The following EYA1 variants were observed in gnomAD, a reference collection of about 807,000 sequenced individuals.
EYA1 encodes protein phosphatase EYA1.
In EYA1, 16 loss-of-function variants were observed where a neutral mutation model predicts 82.0. The ratio of observed to expected loss-of-function variants is 0.20; its 90% CI spans 0.13 to 0.30. The LOEUF (loss-of-function observed/expected upper bound fraction) is 0.30. EYA1 is among the 10% of genes least tolerant of loss of function. The probability of loss-of-function intolerance (pLI) is 1.00; values close to 1 mark genes in which losing one functional copy is unlikely to be tolerated. For synonymous variants in EYA1, 261 were observed against 264.4 expected, an observed-to-expected ratio of 0.99 and a Z score of 0.12; for missense variants, 633 against 730.7, an observed-to-expected ratio of 0.87 and a Z score of 1.54.
chr8:71,485,064 A>G (rs1337237574), intron 2 of EYA1, among the ~76,000 whole-genome samples: 1 of 152,246 alleles, frequency 6.6e-6, no homozygotes, highest in Non-Finnish European at 1.5e-5. Context: ...CTCTAGGAGG[A>G]TCTGACTGAC....
chr8:71,266,481 CT>C (rs1815829244), intron 11 of EYA1, among the ~76,000 whole-genome samples: 1 of 152,144 alleles, frequency 6.6e-6, no homozygotes, highest in African/African-American at 2.4e-5. Context: ...ATTAAGTAGA[CT>C]TCCTTGCATG....
intron 12 of EYA1, among the ~76,000 whole-genome samples, chr8:71,236,023 G>A (rs1486598221): frequency 1.2e-4 from 18 of 151,754 alleles, no homozygotes; most frequent in Admixed American, 1.1e-3. Flanking sequence ...TATGCCATAC[G>A]TGTTGAATAC....
rs1585714842 is a variant in EYA1, at chr8:71,198,767, T to A, written c.*573A>T. 1 of 161,842 alleles carries A rather than the reference T, an allele frequency of 6.2e-6. No individual in the cohort carries two copies. Among genetic ancestry groups the A allele is most frequent in the East Asian group, 1.8e-4 (1 of 5,698 alleles). The allele number at this position is 161,842 out of a possible 1,614,324, so 10.0% of individuals were successfully genotyped here. ...TAATCACTTATTTCTAATGCTATTG[T>A]CTCTTCAATTATTTGATGTTTAAAA... On this transcript the variant is annotated 3_prime_UTR_variant, in exon 18 of 18. Transcript: ENST00000340726.
At chr8:71,452,396 CT>C (rs1563627798) in intron 2 of EYA1, among the ~76,000 whole-genome samples, 1 of 152,192 alleles carries the variant, frequency 6.6e-6, no homozygotes, top group Non-Finnish European at 1.5e-5. Context: ...TTAAATGTCC[CT>C]GTCTAATAGC....
chr8:71,390,071 T>C (rs979609679), intron 2 of EYA1, among the ~76,000 whole-genome samples: 6 of 152,156 alleles, frequency 3.9e-5, no homozygotes, highest in Non-Finnish European at 1.5e-5. Context: ...GGTAATGACT[T>C]ATATGTTGAT....
At chr8:71,379,284 G>A (rs898179917) in intron 2 of EYA1, among the ~76,000 whole-genome samples, 2 of 152,074 alleles carry the variant, frequency 1.3e-5, no homozygotes, top group Non-Finnish European at 1.5e-5. Flanking sequence ...GTTTCATAGT[G>A]ATTTAGCTGG....
chr8:71,522,659 C>T (rs1174329018), intron 2 of EYA1, among the ~76,000 whole-genome samples: 3 of 149,060 alleles, frequency 2.0e-5, no homozygotes, highest in East Asian at 3.9e-4. Flanking sequence ...CTCTCTGTCA[C>T]CCAGGCTGGA....
rs138678733 is a variant in EYA1 at position 71,328,122 on chromosome 8, T to C, written c.203-5854A>G. Reference sequence around the variant, plus strand: ...TCTCTACCTTGGCCTCCCAAAGTACTGGGATTACACGTGTGAGCCACTGCA... The same window carrying C: ...TCTCTACCTTGGCCTCCCAAAGTACCGGGATTACACGTGTGAGCCACTGCA... On this transcript the variant is annotated intron_variant, in intron 4 of 17. Coordinates refer to ENST00000340726, the MANE Select transcript of EYA1 (RefSeq NM_000503.6). Among the ~76,000 whole-genome samples the C allele has an allele frequency of 4.6e-3, 700 of 152,230 alleles. 3 individuals are homozygous for C. The highest frequency in any genetic ancestry group is 0.016 in the African/African-American group (675 of 41,538).
At chr8:71,398,283 C>A (rs1829748599) in intron 2 of EYA1, among the ~76,000 whole-genome samples, 1 of 152,218 alleles carries the variant, frequency 6.6e-6, no homozygotes, top group Non-Finnish European at 1.5e-5. Context: ...TGTCCGAAGC[C>A]TTCTTCTCTC....
intron 1 of EYA1, among the ~76,000 whole-genome samples, chr8:71,539,460 T>C (rs1011497836): frequency 9.9e-5 from 15 of 152,166 alleles, no homozygotes; most frequent in African/African-American, 3.6e-4. Context: ...GATGCTTGCA[T>C]GGGCATCTGT....
At chr8:71,201,655 T>G (rs893081631) in intron 17 of EYA1, among the ~76,000 whole-genome samples, 4 of 152,218 alleles carry the variant, frequency 2.6e-5, no homozygotes, top group Admixed American at 1.3e-4. Flanking sequence ...TATATGTACA[T>G]ACTCAAACAT....
chr8:71,520,384 G>T (rs183533671), intron 2 of EYA1, among the ~76,000 whole-genome samples: 1 of 152,036 alleles, frequency 6.6e-6, no homozygotes, highest in African/African-American at 2.4e-5. Context: ...CCCCTCAAGC[G>T]GAACAATGGT....
intron 9 of EYA1, 146 bp from the exon 10 acceptor site, chr8:71,272,043 T>C: frequency 1.2e-6 from 1 of 856,532 alleles, no homozygotes; most frequent in Non-Finnish European, 2.0e-6. Flanking sequence ...CTTGCGCTGG[T>C]AAATAATTTA....
chr8:71,534,161 G>A (rs374131630), intron 2 of EYA1, among the ~76,000 whole-genome samples: 3 of 152,298 alleles, frequency 2.0e-5, no homozygotes, highest in African/African-American at 7.2e-5. Flanking sequence ...GTATCAACTT[G>A]CCTCCATCTA....
intron 9 of EYA1, among the ~76,000 whole-genome samples, chr8:71,279,065 C>T (rs140524269): frequency 7.4e-4 from 112 of 152,284 alleles, no homozygotes; most frequent in African/African-American, 2.6e-3. Flanking sequence ...TCTGGCAAGA[C>T]CCTGAATCTG....
chr8:71,502,412 A>G (rs1811876914), intron 2 of EYA1, among the ~76,000 whole-genome samples: 1 of 152,232 alleles, frequency 6.6e-6, no homozygotes, highest in South Asian at 2.1e-4. Flanking sequence ...GATTTTAATC[A>G]TTTTAATTCA....
chr8:71,458,781 G>A (rs548819220), intron 2 of EYA1, among the ~76,000 whole-genome samples: 44 of 152,252 alleles, frequency 2.9e-4, no homozygotes, highest in Admixed American at 1.2e-3. Context: ...TTTTGTACAC[G>A]TTGAGTTTGA....
At chr8:71,405,048 C>A (rs1039696979) in intron 2 of EYA1, 1 of 151,862 alleles carries the variant, frequency 6.6e-6, no homozygotes, top group African/African-American at 2.4e-5. Context: ...CTCTAGGATA[C>A]CTGAATAAAA....
chr8:71,406,381 C>G (rs538792125), intron 2 of EYA1, among the ~76,000 whole-genome samples: 7 of 152,072 alleles, frequency 4.6e-5, no homozygotes, highest in Non-Finnish European at 7.4e-5. Context: ...CCAAGATGGC[C>G]GAATAGGAAC....
Sources: allele counts gnomAD v4.1 joint callset (sites outside exome capture counted in the v4.1 genomes callset), GRCh38; gene constraint gnomAD v4.1.1; transcripts MANE v1.5; gene names NCBI Gene and HGNC (gene_info 2026-07-23, HGNC 2026-07-21).